Variants in SYT7 observed in about 807,000 individuals in gnomAD.
SYT7 encodes synaptotagmin 7.
A neutral mutation model predicts 75.1 loss-of-function variants in SYT7; 29 were observed. That is an observed-to-expected ratio of 0.39 (90% CI 0.29 to 0.53). The LOEUF (loss-of-function observed/expected upper bound fraction) is 0.53, where lower values mean the gene tolerates loss of function less well. Ranked by LOEUF, SYT7 falls within the 20% of genes least tolerant of loss-of-function variation. SYT7 has a pLI of 0.77. For synonymous variants in SYT7, 376 were observed against 401.7 expected (o/e 0.94, Z 0.76); for missense variants, 693 against 953.2 (o/e 0.73, Z 3.59).
At chr11:61,520,868 G>A (rs2062306490) in intron 12 of SYT7, among the ~76,000 whole-genome samples, 1 of 152,166 alleles carries the variant, frequency 6.6e-6, no homozygotes, top group Non-Finnish European at 1.5e-5. Context: ...TGGGGAGCAA[G>A]CTCCAGCTCT....
At chr11:61,544,731 G>T (rs2063137003) in intron 5 of SYT7, among the ~76,000 whole-genome samples, 1 of 152,236 alleles carries the variant, frequency 6.6e-6, no homozygotes, top group South Asian at 2.1e-4. Flanking sequence ...GGCCTAACCG[G>T]CCTGGAGACT....
chr11:61,542,263 C>T lies in SYT7; in HGVS notation c.889G>A (p.Asp297Asn). The T allele has an allele frequency of 2.0e-6, 3 of 1,535,298 alleles. No homozygotes were observed. The South Asian group carries it at 3.6e-5, about 18-fold the overall frequency. ...TTTCGAATCTGCCCCACCACGTGGT[C>T]CCAGCTGCCTGGGTTGGAGCGGCTG... ...GRSRSNPGSW[D>N]HVVGQIRNRG... The change falls in exon 6 of 13, where the codon GAC becomes AAC. Residue 297 changes from aspartate to asparagine, a missense_variant. Around this residue, in one of 2 missense-constraint regions of SYT7, gnomAD observed 487 missense variants for 593.2 expected, o/e 0.82. Coordinates refer to ENST00000539008, the MANE Select transcript of SYT7 (RefSeq NM_001365809.2). This position sits in a 1 kb window ranked among gnomAD's most constrained non-coding sequence, Gnocchi z 7.8.
intron 7 of SYT7, among the ~76,000 whole-genome samples, chr11:61,534,154 T>G (rs371246195): frequency 7.9e-4 from 121 of 152,228 alleles, no homozygotes; most frequent in African/African-American, 2.8e-3. Flanking sequence ...GGGGGACCAG[T>G]AGCATGAGGC....
chr11:61,525,601 T>C (rs927490329), intron 9 of SYT7: 1 of 152,052 alleles, frequency 6.6e-6, no homozygotes, highest in East Asian at 1.9e-4. Context: ...CCGCAAAACA[T>C]AACACACGCG....
chr11:61,574,126 C>T (rs921806040), intron 1 of SYT7, among the ~76,000 whole-genome samples: 1 of 152,254 alleles, frequency 6.6e-6, no homozygotes, highest in African/African-American at 2.4e-5. Context: ...GAACCCTCAT[C>T]CCACACATCA....
At chr11:61,522,974 G>T in intron 12 of SYT7, 101 bp downstream of exon 12, 2 of 1,187,264 alleles carry the variant, frequency 1.7e-6, no homozygotes, top group Non-Finnish European at 2.5e-6. Flanking sequence ...AATCTCTCCT[G>T]GTGTCCAGCC....
rs1210602442 is a variant in SYT7, at chr11:61,524,378, T to G, written c.1626A>C (p.Pro542=). ...QMQTFWKDLK[P]CSDGSGSRGE... ...GGGGCCTTACACTCCCATCGCTGCA[T>G]GGCTTCAGATCCTTCCAGAAGGTCT... Residue 542 remains proline, a synonymous_variant, in exon 10 of 13, where the codon CCA becomes CCC. Coordinates refer to ENST00000539008, the MANE Select transcript of SYT7 (RefSeq NM_001365809.2). This position sits in a 1 kb window ranked among gnomAD's most constrained non-coding sequence, Gnocchi z 4.1. The G allele has an allele frequency of 4.3e-6, 7 of 1,614,124 alleles. No individual in the cohort carries two copies. Among genetic ancestry groups the G allele is most frequent in the Non-Finnish European group, 5.1e-6 (6 of 1,179,982 alleles).
Position 61,532,952 on chromosome 11 carries a change from C to T in SYT7, c.1200+37G>A, listed in dbSNP as rs747798413. ...TCTTCCTGCCCCTGGCCTCCCAGCC[C>T]AGTTCCTTGGAGCAGCGCAGGCTCC... On this transcript the variant is annotated intron_variant, in intron 8 of 12. Transcript: ENST00000539008. The T allele has an allele frequency of 1.3e-5, 21 of 1,609,050 alleles. No homozygotes were observed. In the Admixed American group the frequency reaches 3.0e-4, roughly 23 times the overall value.
chr11:61,576,631 T>C lies in SYT7; in HGVS notation c.31+4159A>G, dbSNP rs1303042346. 7.3e-6 allele frequency among the ~76,000 whole-genome samples: 1 copy of C among 137,486 alleles called. No individual in the cohort carries two copies. Among genetic ancestry groups the C allele is most frequent in the Non-Finnish European group, 1.5e-5 (1 of 65,070 alleles). The allele number at this position is 137,486 out of a possible 152,430, so 90.2% of individuals were successfully genotyped here. A position where few individuals can be genotyped will look rare whatever the true frequency, so the allele number is the denominator to read the frequency against. On this transcript the variant is annotated intron_variant, in intron 1 of 12. Transcript: ENST00000539008. This position sits in a 1 kb window ranked among gnomAD's most constrained non-coding sequence, Gnocchi z 4.1. ...TCTTCTGTTCTTGGCCTCACTCCCC[T>C]GGGGGAACCAGTTATTGAAAACGAA...
chr11:61,546,104 C>A lies in SYT7; in HGVS notation c.499G>T (p.Gly167Cys), dbSNP rs540013742. 6 of 1,531,230 alleles carry A rather than the reference C, an allele frequency of 3.9e-6. No homozygotes were observed. The highest frequency in any genetic ancestry group is 4.4e-6 in the Non-Finnish European group (5 of 1,144,762). 94.9% of individuals were successfully genotyped at this position (1,531,230 alleles called of 1,614,324 possible). Reference protein sequence around the residue: ...GGAAPSEPGSGGKAGRGRWRT... With the variant: ...GGAAPSEPGSCGKAGRGRWRT... ...CAGCGGCCTCTCCCCGCCTTGCCACCGCTGCCCGGCTCGCTGGGGGCAGCC... is the reference window on the plus strand; with the variant it reads ...CAGCGGCCTCTCCCCGCCTTGCCACAGCTGCCCGGCTCGCTGGGGGCAGCC... Residue 167 changes from glycine to cysteine, a missense_variant, in exon 5 of 13, where the codon GGT becomes TGT. Physicochemically the swap from Gly to Cys is radical, Grantham distance 159. Coordinates refer to ENST00000539008, the MANE Select transcript of SYT7 (RefSeq NM_001365809.2). This position sits in a 1 kb window ranked among gnomAD's most constrained non-coding sequence, Gnocchi z 7.6.
intron 1 of SYT7, among the ~76,000 whole-genome samples, chr11:61,564,721 T>G (rs2063722309): frequency 1.3e-5 from 2 of 151,774 alleles, no homozygotes; most frequent in South Asian, 4.2e-4. Context: ...CGGAAAGGGC[T>G]CCCACCCTCC....
In SYT7 at chr11:61,514,607, A is replaced by G. The variant is rs1195383229; in HGVS notation, c.*4020T>C. ...CAGCTTCCCCTGGGCTGGGTGGGGA[A>G]GAAAGGGCAGGGGATGGGGATGGTT... On this transcript the variant is annotated 3_prime_UTR_variant, in exon 13 of 13. Transcript: ENST00000539008. Among the ~76,000 whole-genome samples, 1 of 152,126 alleles carries G rather than the reference A, an allele frequency of 6.6e-6. No homozygotes were observed. The highest frequency in any genetic ancestry group is 1.5e-5 in the Non-Finnish European group (1 of 68,016).
intron 3 of SYT7, among the ~76,000 whole-genome samples, chr11:61,549,057 C>T (rs114204482): frequency 0.016 from 2,394 of 152,260 alleles, 59 homozygotes; most frequent in African/African-American, 0.055. Flanking sequence ...GAGCCTCACA[C>T]GAGGGTATGG....
chr11:61,583,456 C>T (rs1018359471), upstream of SYT7, among the ~76,000 whole-genome samples: 3 of 152,148 alleles, frequency 2.0e-5, no homozygotes, highest in African/African-American at 7.2e-5. Flanking sequence ...CCAGGCTGCC[C>T]CTTGCAAGTG....
In SYT7 at chr11:61,546,594, G is replaced by C; in HGVS notation, c.348-339C>G. On this transcript the variant is annotated intron_variant, in intron 4 of 12. Coordinates refer to ENST00000539008, the MANE Select transcript of SYT7 (RefSeq NM_001365809.2). This position sits in a 1 kb window ranked among gnomAD's most constrained non-coding sequence, Gnocchi z 7.6. ...TGGGGCAGGGGCGGCGGGGGTTGGGGGAGGGCAGCCACCTCCAACTCTATC... is the reference window on the plus strand; with the variant it reads ...TGGGGCAGGGGCGGCGGGGGTTGGGCGAGGGCAGCCACCTCCAACTCTATC... The C allele has an allele frequency of 2.1e-6, 1 of 475,214 alleles. No homozygotes were observed. The highest frequency in any genetic ancestry group is 4.1e-6 in the Non-Finnish European group (1 of 241,626). The allele number at this position is 475,214 out of a possible 1,614,324, so 29.4% of individuals were successfully genotyped here.
chr11:61,538,346 G>GAGAGAGAGAGAGA, intron 6 of SYT7, 80 bp from the exon 7 acceptor site: 3 of 198,064 alleles, frequency 1.5e-5, no homozygotes, highest in Non-Finnish European at 2.6e-5. Flanking sequence ...GGAGAGAGAG[G>GAGAGAGAGAGAGA]GAGAGAGAGA....
At position 61,571,585 on chromosome 11, in the gene SYT7, G is replaced by A. The variant is rs926290191; in HGVS notation, c.31+9205C>T. ...TGGCACGTCACATCCCGCACCTGCCGGCACCCCCATCCACACTGCCTTCCT... is the reference window on the plus strand; with the variant it reads ...TGGCACGTCACATCCCGCACCTGCCAGCACCCCCATCCACACTGCCTTCCT... On this transcript the variant is annotated intron_variant, in intron 1 of 12. Coordinates refer to ENST00000539008, the MANE Select transcript of SYT7 (RefSeq NM_001365809.2). 3.5e-4 allele frequency among the ~76,000 whole-genome samples: 53 copies of A among 152,238 alleles called. 1 individual carries two copies. The highest frequency in any genetic ancestry group is 6.2e-4 in the South Asian group (3 of 4,822).
intron 6 of SYT7, among the ~76,000 whole-genome samples, chr11:61,538,480 A>G (rs567000667): frequency 6.6e-6 from 1 of 152,320 alleles, no homozygotes; most frequent in African/African-American, 2.4e-5. Flanking sequence ...AGCAGTGTCA[A>G]CAGTTGCAGG....
chr11:61,519,362 C>T (rs1432360763), intron 12 of SYT7, among the ~76,000 whole-genome samples: 1 of 152,204 alleles, frequency 6.6e-6, no homozygotes, highest in Non-Finnish European at 1.5e-5. Flanking sequence ...CCTCCGGAAC[C>T]CCCAGGATTG....
Sources: gnomAD v4.1 joint callset for allele counts (sites outside exome capture counted in the v4.1 genomes callset) on GRCh38, gnomAD v4.1.1 for gene constraint, gnomAD v4.1.1 regional missense constraint, Gnocchi (gnomAD v3.1) non-coding constraint, MANE v1.5 for transcripts, NCBI Gene and HGNC (gene_info 2026-07-23, HGNC 2026-07-21) for gene names.